Variants in ZNF385D observed in about 807,000 individuals in gnomAD.
ZNF385D encodes zinc finger protein 385D, also known as zinc finger protein 659.
Under a neutral mutation model 35.8 loss-of-function variants are expected in ZNF385D, and 15 were observed. The ratio of observed to expected loss-of-function variants is 0.42; its 90% CI spans 0.28 to 0.64. ZNF385D has a LOEUF of 0.64. Among genes scored for constraint, ZNF385D ranks in the 30% least tolerant of loss-of-function variants. The pLI is 0.23. For synonymous variants in ZNF385D, 212 were observed against 186.8 expected (o/e 1.13, Z -1.10); for missense variants, 474 against 494.6 (o/e 0.96, Z 0.39).
intron 3 of ZNF385D, among the ~76,000 whole-genome samples, chr3:22,100,063 C>T (rs1331097218): frequency 1.3e-5 from 2 of 150,632 alleles, no homozygotes; most frequent in African/African-American, 4.9e-5. Context: ...ATTTATGCAG[C>T]CAAAAAACAC....
chr3:21,569,449 T>C (rs201624668), intron 2 of ZNF385D, among the ~76,000 whole-genome samples: 4 of 150,256 alleles, frequency 2.7e-5, no homozygotes, highest in South Asian at 2.1e-4. Context: ...TTTGAGCCTA[T>C]GTGTGTCTCT....
chr3:22,136,792 G>A (rs1053798246), intron 3 of ZNF385D, among the ~76,000 whole-genome samples: 2 of 152,088 alleles, frequency 1.3e-5, no homozygotes, highest in Non-Finnish European at 2.9e-5. Context: ...TAAAAGACAT[G>A]GAGGAAACTT....
At chr3:21,748,803 C>A (rs949572647) in intron 1 of ZNF385D, among the ~76,000 whole-genome samples, 1 of 152,116 alleles carries the variant, frequency 6.6e-6, no homozygotes, top group Non-Finnish European at 1.5e-5. Context: ...TATGTGTGTG[C>A]GTACATACAT....
At chr3:21,904,560 T>C (rs2878719) in intron 3 of ZNF385D, among the ~76,000 whole-genome samples, 2 of 152,160 alleles carry the variant, frequency 1.3e-5, no homozygotes, top group Non-Finnish European at 2.9e-5. Context: ...TCTTTCTGGA[T>C]TCTTCTTTCT....
chr3:22,198,542 G>T (rs1293198218), intron 2 of ZNF385D, among the ~76,000 whole-genome samples: 1 of 152,022 alleles, frequency 6.6e-6, no homozygotes, highest in East Asian at 1.9e-4. Context: ...TGAATTGTAG[G>T]TATTTGTAAA....
intron 2 of ZNF385D, among the ~76,000 whole-genome samples, chr3:22,354,457 T>C (rs1696059133): frequency 6.6e-6 from 1 of 152,064 alleles, no homozygotes; most frequent in Non-Finnish European, 1.5e-5. Flanking sequence ...TCAAATACCT[T>C]ATAAAAATTT....
chr3:21,507,319 AC>A (rs1706846900), intron 4 of ZNF385D, among the ~76,000 whole-genome samples: 1 of 152,118 alleles, frequency 6.6e-6, no homozygotes. Flanking sequence ...GACATGTTTA[AC>A]ATTTTTCAAA....
intron 3 of ZNF385D, among the ~76,000 whole-genome samples, chr3:21,997,412 C>A (rs1270566051): frequency 6.6e-6 from 1 of 151,892 alleles, no homozygotes; most frequent in Non-Finnish European, 1.5e-5. Flanking sequence ...GACGAGTTAA[C>A]GGGTGCAGCA....
chr3:21,988,128 C>T (rs1214851692), intron 3 of ZNF385D, among the ~76,000 whole-genome samples: 3 of 126,102 alleles, frequency 2.4e-5, no homozygotes, highest in Non-Finnish European at 3.4e-5. Flanking sequence ...CCTCCCGTAG[C>T]TCAGAGTCAT....
intron 4 of ZNF385D, among the ~76,000 whole-genome samples, chr3:21,455,405 G>A (rs191785559): frequency 7.1e-4 from 108 of 152,094 alleles, no homozygotes; most frequent in African/African-American, 2.1e-3. Context: ...CCAATGGAAC[G>A]GAACAGAGCC....
At chr3:22,344,177 G>GGGGTGTGTGTGT (rs1553652922) in intron 2 of ZNF385D, among the ~76,000 whole-genome samples, 20 of 140,846 alleles carry the variant, frequency 1.4e-4, no homozygotes, top group Middle Eastern at 7.2e-3. Context: ...GGTGGGGTGG[G>GGGGTGTGTGTGT]GTGTGTGTGT....
At chr3:22,095,991 G>A (rs1701600889) in intron 3 of ZNF385D, among the ~76,000 whole-genome samples, 1 of 151,768 alleles carries the variant, frequency 6.6e-6, no homozygotes, top group East Asian at 1.9e-4. Flanking sequence ...TAAAGTCTTT[G>A]GTAATAAAAG....
chr3:21,998,691 C>A (rs112681316), intron 3 of ZNF385D, among the ~76,000 whole-genome samples: 2 of 152,162 alleles, frequency 1.3e-5, no homozygotes, highest in African/African-American at 4.8e-5. Flanking sequence ...AGAACATCAC[C>A]TTTTAAAAAT....
At chr3:22,087,497 G>A (rs1231976330) in intron 3 of ZNF385D, among the ~76,000 whole-genome samples, 1 of 152,096 alleles carries the variant, frequency 6.6e-6, no homozygotes, top group Non-Finnish European at 1.5e-5. Flanking sequence ...TCCTTCCTTT[G>A]CCTAGGTCCT....
intron 1 of ZNF385D, among the ~76,000 whole-genome samples, chr3:21,684,573 T>TAAGTATTATAAAGTCACATTAATTTTA (rs1553637180): frequency 2.2e-4 from 34 of 152,004 alleles, no homozygotes; most frequent in Non-Finnish European, 1.3e-4. Context: ...CCTCAATAGT[T>TAAGTATTATAAAGTCACATTAATTTTA]AAGTATTATA....
At chr3:22,123,986 A>G (rs6795639) in intron 3 of ZNF385D, among the ~76,000 whole-genome samples, 6,985 of 122,072 alleles carry the variant, frequency 0.057, 539 homozygotes, top group African/African-American at 0.17. Flanking sequence ...ATATATATAT[A>G]TATTGCTGAC....
intron 3 of ZNF385D, chr3:21,777,613 T>C (rs893497551): frequency 3.9e-5 from 6 of 151,946 alleles, no homozygotes; most frequent in African/African-American, 1.4e-4. Context: ...CTTACATAGA[T>C]CTTCCCATTG....
In ZNF385D at chr3:21,417,011, C is replaced by T. The variant is rs1017370099; in HGVS notation, c.*4203G>A. 3 of 151,934 alleles carry T rather than the reference C, an allele frequency of 2.0e-5. No individual in the cohort carries two copies. The highest frequency in any genetic ancestry group is 2.9e-5 in the Non-Finnish European group (2 of 67,972). The allele number at this position is 151,934 out of a possible 1,614,324, so 9.4% of individuals were successfully genotyped here. ...ATCTTACATGATGTTGGCATAAGTG[C>T]GATCATAATAAGTGAGTACTAAGTG... On this transcript the variant is annotated 3_prime_UTR_variant, in exon 8 of 8. Transcript: ENST00000281523.
intron 3 of ZNF385D, among the ~76,000 whole-genome samples, chr3:21,978,673 T>A (rs1032835170): frequency 2.6e-5 from 4 of 152,216 alleles, no homozygotes; most frequent in Admixed American, 2.6e-4. Context: ...GACATTTCTA[T>A]TATGTCTATG....
Sources: allele counts gnomAD v4.1 joint callset (sites outside exome capture counted in the v4.1 genomes callset), GRCh38; gene constraint gnomAD v4.1.1; transcripts MANE v1.5; gene names NCBI Gene and HGNC (gene_info 2026-07-23, HGNC 2026-07-21).